GAGE10: variants seen among roughly 807,000 people sequenced by gnomAD.
GAGE10 encodes G antigen 10.
A neutral mutation model predicts 11.5 loss-of-function variants in GAGE10; 9 were observed. The ratio of observed to expected loss-of-function variants is 0.78; its 90% confidence interval spans 0.47 to 1.37. The LOEUF (loss-of-function observed/expected upper bound fraction) is 1.37, where lower values mean the gene tolerates loss of function less well. GAGE10 is among the 40% of genes most tolerant of loss of function. The pLI, the probability that GAGE10 is intolerant of heterozygous loss-of-function variation, is 0.00. For synonymous variants in GAGE10, 23 were observed against 29.7 expected (o/e 0.77, Z 0.73); for missense variants, 83 against 92.9 (o/e 0.89, Z 0.44).
Position 49,317,627 on chromosome X carries a change from C to T in GAGE10, c.328+339C>T, listed in dbSNP as rs782521684. Among the ~76,000 whole-genome samples the T allele has an allele frequency of 8.1e-5, 8 of 99,335 alleles. No homozygotes were observed. The East Asian group carries it at 2.2e-3, about 27-fold the overall frequency. The allele number at this position is 99,335 out of a possible 115,157, so 86.3% of individuals were successfully genotyped here. ...CCTTTGAAATTGCCAGGATTACATG[C>T]GAGAGCCACCATACGCGACCAAGGC... On this transcript the variant is annotated intron_variant, in intron 4 of 4. Transcript: ENST00000407599.
At chrX:49,306,420 T>A (rs782153923) in intron 3 of GAGE10, among the ~76,000 whole-genome samples, 2 of 112,128 alleles carry the variant, frequency 1.8e-5, no homozygotes, top group Non-Finnish European at 3.8e-5. Flanking sequence ...GAATATTACA[T>A]TTAGGACCTT....
At chrX:49,305,257 C>T in intron 2 of GAGE10, 147 bp from the exon 3 acceptor site, 1 of 1,172,957 alleles carries the variant, frequency 8.5e-7, no homozygotes. Flanking sequence ...GGTCGAGTAA[C>T]CTTATTGGGC....
rs1415980194 is a variant in GAGE10 at position 49,308,958 on chromosome X, G to A, written c.202+3434G>A. ...GAAAGTGTGTGAAAGAGACGGTCTCGGGAGAGGCCAATGCGGGGAGTGACG... is the reference window on the plus strand; with the variant it reads ...GAAAGTGTGTGAAAGAGACGGTCTCAGGAGAGGCCAATGCGGGGAGTGACG... On this transcript the variant is annotated intron_variant, in intron 3 of 4. Transcript: ENST00000407599. Among the ~76,000 whole-genome samples, 7 of 112,436 alleles carry A rather than the reference G, an allele frequency of 6.2e-5. No homozygotes were observed. The East Asian group carries it at 1.7e-3, about 27-fold the overall frequency.
intron 3 of GAGE10, among the ~76,000 whole-genome samples, chrX:49,313,761 T>A (rs1321574275): frequency 9.0e-6 from 1 of 111,598 alleles, no homozygotes; most frequent in African/African-American, 3.3e-5. Flanking sequence ...CTCCCGACGA[T>A]GACCAGTGGA....
Position 49,317,178 on chromosome X carries a change from C to G in GAGE10, c.218C>G (p.Ala73Gly), listed in dbSNP as rs374644548. ...ASAGQGPKPE[A>G]DSQEQVHPKT... is the part of the protein sequence containing the mutation. The stretch of plus-strand genomic sequence containing the variant: ...TATTTTTAATGGCCGAAGCCTGAAG[C>G]TGATAGCCAGGAACAGGTTCACCCA... Residue 73 changes from alanine (A) to glycine (G), a missense_variant, in exon 4 of 5, where the codon GCT becomes GGT. Ala to Gly is a moderately conservative substitution (Grantham distance 60). Coordinates refer to ENST00000407599, the MANE Select transcript of GAGE10 (RefSeq NM_001098413.4). The G allele has an allele frequency of 8.3e-7, 1 of 1,205,080 alleles. No individual in the cohort carries two copies. Among genetic ancestry groups the G allele is most frequent in the Middle Eastern group, 2.3e-4 (1 of 4,322 alleles).
At chrX:49,305,110 T>G (rs187260671) in intron 2 of GAGE10, among the ~76,000 whole-genome samples, 170 bp downstream of exon 2, 4 of 112,408 alleles carry the variant, frequency 3.6e-5, no homozygotes, top group Non-Finnish European at 7.5e-5. Context: ...TTTCCTCTAG[T>G]GTTCTTCAGC....
intron 4 of GAGE10, among the ~76,000 whole-genome samples, chrX:49,317,753 G>A (rs1557125535): frequency 9.0e-6 from 1 of 110,580 alleles, no homozygotes; most frequent in East Asian, 2.8e-4. Flanking sequence ...GCACCCGACT[G>A]ATAGACTGTC....
At chrX:49,317,666 T>A (rs1279996156) in intron 4 of GAGE10, among the ~76,000 whole-genome samples, 3 of 111,679 alleles carry the variant, frequency 2.7e-5, no homozygotes, top group East Asian at 5.6e-4. Flanking sequence ...ATATTTTTAA[T>A]AACACAGGTA....
chrX:49,312,803 A>G (rs782693575), intron 3 of GAGE10, among the ~76,000 whole-genome samples: 5 of 112,882 alleles, frequency 4.4e-5, no homozygotes, highest in African/African-American at 6.4e-5. Flanking sequence ...TCCATCAAGG[A>G]ACACACATTG....
At chrX:49,319,286 C>A (rs2066406555) in intron 4 of GAGE10, among the ~76,000 whole-genome samples, 1 of 110,504 alleles carries the variant, frequency 9.0e-6, no homozygotes, top group African/African-American at 3.3e-5. Context: ...TCTTCATGAG[C>A]CACTATTTCT....
rs781965976 is a variant in GAGE10 at position 49,313,409 on chromosome X, A to G, written c.203-3754A>G. Reference sequence around the variant, plus strand: ...ACAAAACAAACTGGGTACTCACCCTATGAAATATTGTTCGGAAGGCCACCC... The same window carrying G: ...ACAAAACAAACTGGGTACTCACCCTGTGAAATATTGTTCGGAAGGCCACCC... On this transcript the variant is annotated intron_variant, in intron 3 of 4. Coordinates refer to ENST00000407599, the MANE Select transcript of GAGE10 (RefSeq NM_001098413.4). Among the ~76,000 whole-genome samples, 9 of 112,224 alleles carry G rather than the reference A, an allele frequency of 8.0e-5. No individual in the cohort carries two copies. The South Asian group carries it at 3.0e-3, about 37-fold the overall frequency.
chrX:49,310,901 G>C (rs1473366601), intron 3 of GAGE10, among the ~76,000 whole-genome samples: 1 of 111,626 alleles, frequency 9.0e-6, no homozygotes, highest in Non-Finnish European at 1.9e-5. Flanking sequence ...GAGTGCCCTT[G>C]TTAGGAAGAG....
rs782646807 is a variant in GAGE10, at chrX:49,308,185, T to A, written c.202+2661T>A. Among the ~76,000 whole-genome samples the A allele has an allele frequency of 1.7e-4, 19 of 112,642 alleles. No individual in the cohort carries two copies. In the South Asian group the frequency reaches 6.9e-3, roughly 41 times the overall value. ...TGGGGCTCAGTCCTTTGGATGTTAATCTGACTAGGTCGGTGCATCTAAATA... is the reference window on the plus strand; with the variant it reads ...TGGGGCTCAGTCCTTTGGATGTTAAACTGACTAGGTCGGTGCATCTAAATA... On this transcript the variant is annotated intron_variant, in intron 3 of 4. Coordinates refer to ENST00000407599, the MANE Select transcript of GAGE10 (RefSeq NM_001098413.4).
chrX:49,305,713 C>T (rs1336576259), intron 3 of GAGE10, among the ~76,000 whole-genome samples, 189 bp downstream of exon 3: 3 of 112,449 alleles, frequency 2.7e-5, no homozygotes, highest in Non-Finnish European at 5.6e-5. Flanking sequence ...TGCAGCTTAG[C>T]TTAGGCAAAT....
intron 3 of GAGE10, among the ~76,000 whole-genome samples, chrX:49,312,989 T>G (rs1246584398): frequency 8.9e-6 from 1 of 112,433 alleles, no homozygotes; most frequent in Non-Finnish European, 1.9e-5. Flanking sequence ...AACCTGCTTG[T>G]AGAGTTCACT....
intron 4 of GAGE10, among the ~76,000 whole-genome samples, chrX:49,317,499 C>T (rs781927908): frequency 4.5e-5 from 5 of 111,517 alleles, no homozygotes; most frequent in Non-Finnish European, 7.5e-5. Flanking sequence ...GGACATACAC[C>T]AATGTGCCCA....
intron 3 of GAGE10, among the ~76,000 whole-genome samples, chrX:49,315,219 G>C (rs1557125096): frequency 8.9e-6 from 1 of 112,108 alleles, no homozygotes; most frequent in Non-Finnish European, 1.9e-5. Flanking sequence ...TGTGTGTTAG[G>C]AACAATCAAG....
rs781971300 is a variant in GAGE10 at position 49,317,216 on chromosome X, G to T, written c.256G>T (p.Glu86Ter). Reference protein sequence around the residue: ...QEQVHPKTGCECGDGPDGQEM... With the variant: ...QEQVHPKTGC ...ACAGGTTCACCCAAAGACTGGGTGTGAGTGTGGAGATGGTCCTGATGGCCA... is the reference window on the plus strand; with the variant it reads ...ACAGGTTCACCCAAAGACTGGGTGTTAGTGTGGAGATGGTCCTGATGGCCA... The change falls in exon 4 of 5, where the codon GAG becomes TAG. Residue 86 changes from glutamate (E) to a stop codon, truncating the protein, a stop_gained. Transcript: ENST00000407599. LOFTEE classifies it high-confidence loss of function. 3.3e-6 allele frequency: 4 copies of T among 1,207,524 alleles called. No individual in the cohort carries two copies. In the East Asian group the frequency reaches 1.2e-4, roughly 36 times the overall value.
intron 4 of GAGE10, 68 bp downstream of exon 4, chrX:49,317,356 T>A (rs1557125434): frequency 1.7e-6 from 2 of 1,144,159 alleles, no homozygotes; most frequent in East Asian, 6.4e-5. Flanking sequence ...ATAATTATTA[T>A]TACATTTTTG....
Sources: allele counts gnomAD v4.1 joint callset (sites outside exome capture counted in the v4.1 genomes callset), GRCh38; gene constraint gnomAD v4.1.1; transcripts MANE v1.5; gene names NCBI Gene and HGNC (gene_info 2026-07-23, HGNC 2026-07-21).